Variants in AKAP13 observed in about 807,000 individuals in gnomAD.
AKAP13 encodes the protein A-kinase anchor protein 13.
In AKAP13, 80 loss-of-function variants were observed where a neutral mutation model predicts 264.5. The ratio of observed to expected loss-of-function variants is 0.30; its 90% CI spans 0.25 to 0.36. The LOEUF is 0.36. Among genes scored for constraint, AKAP13 ranks in the 10% least tolerant of loss-of-function variants. The pLI, the probability that AKAP13 is intolerant of heterozygous loss-of-function variation, is 1.00. For synonymous variants in AKAP13, 1,380 were observed against 1,250.2 expected (o/e 1.10, Z -2.19); for missense variants, 3,712 against 3,435.2 (o/e 1.08, Z -2.01).
chr15:85,496,200 T>C (rs1024508675), intron 2 of AKAP13, among the ~76,000 whole-genome samples: 5 of 152,132 alleles, frequency 3.3e-5, no homozygotes, highest in African/African-American at 1.2e-4. Flanking sequence ...CCTCCTTTTT[T>C]CCCTCAAAAG....
chr15:85,418,067 CATT>C lies in AKAP13; in HGVS notation c.-12+37291_-12+37293del, dbSNP rs34170000. Among the ~76,000 whole-genome samples, 94 of 133,900 alleles carry C rather than the reference CATT, an allele frequency of 7.0e-4. 1 individual carries two copies. Among genetic ancestry groups the C allele is most frequent in the Admixed American group, 1.1e-3 (15 of 13,878 alleles). The allele number at this position is 133,900 out of a possible 152,430, so 87.8% of individuals were successfully genotyped here. ...CATTATTTATTATTATTATTATTAT[CATT>C]ATTATTATTATTATTATTATTCTGA... On this transcript the variant is annotated intron_variant, in intron 1 of 36. Coordinates refer to ENST00000394518, the MANE Select transcript of AKAP13 (RefSeq NM_007200.5).
chr15:85,469,696 A>T (rs1223677768), intron 1 of AKAP13, among the ~76,000 whole-genome samples: 1 of 152,246 alleles, frequency 6.6e-6, no homozygotes, highest in Non-Finnish European at 1.5e-5. Flanking sequence ...GCCAGAACAC[A>T]TTAGACCCCT....
intron 25 of AKAP13, 78 bp from the exon 26 acceptor site, chr15:85,722,994 G>T: frequency 6.5e-7 from 1 of 1,543,734 alleles, no homozygotes; most frequent in Non-Finnish European, 8.8e-7. Context: ...ATGATATGGA[G>T]TGAGAAGTCA....
chr15:85,585,317 A>G (rs140716590), intron 7 of AKAP13, among the ~76,000 whole-genome samples: 23 of 152,068 alleles, frequency 1.5e-4, no homozygotes, highest in African/African-American at 5.1e-4. Flanking sequence ...TGCTTTTTTG[A>G]TGATGGCCAA....
At chr15:85,634,982 A>G (rs759748720) in intron 8 of AKAP13, 3 of 396,964 alleles carry the variant, frequency 7.6e-6, no homozygotes, top group African/African-American at 2.1e-5. Context: ...TTTGATGGCA[A>G]TCTGGACTGT....
At chr15:85,456,751 C>T (rs764716089) in intron 1 of AKAP13, among the ~76,000 whole-genome samples, 6 of 152,148 alleles carry the variant, frequency 3.9e-5, no homozygotes, top group Non-Finnish European at 7.4e-5. Context: ...GGGGTTTCAC[C>T]GTGTTAGCCA....
intron 1 of AKAP13, among the ~76,000 whole-genome samples, chr15:85,403,610 G>A (rs1249695949): frequency 1.3e-5 from 2 of 152,132 alleles, no homozygotes; most frequent in African/African-American, 4.8e-5. Flanking sequence ...GGAAGCTGAG[G>A]TGGGTGGATC....
At chr15:85,685,473 TG>T (rs2084851157) in intron 16 of AKAP13, 5 of 148,624 alleles carry the variant, frequency 3.4e-5, no homozygotes, top group Admixed American at 6.8e-5. Flanking sequence ...TGTGTGTGTG[TG>T]TGTGTGTGTG....
intron 3 of AKAP13, among the ~76,000 whole-genome samples, chr15:85,527,206 G>A (rs1357927034): frequency 9.2e-5 from 14 of 152,150 alleles, no homozygotes; most frequent in South Asian, 8.3e-4. Context: ...CTCGTGATCC[G>A]CCCGCCTTGG....
At chr15:85,589,688 C>T (rs1189603382) in intron 8 of AKAP13, among the ~76,000 whole-genome samples, 3 of 132,518 alleles carry the variant, frequency 2.3e-5, no homozygotes, top group Non-Finnish European at 3.1e-5. Flanking sequence ...CCAGCCTGGG[C>T]GACAGAGTAA....
At chr15:85,635,170 T>G in intron 8 of AKAP13, 1 of 398,128 alleles carries the variant, frequency 2.5e-6, no homozygotes. Flanking sequence ...TGTACTATTT[T>G]GCTTTCTTTC....
intron 3 of AKAP13, among the ~76,000 whole-genome samples, chr15:85,529,846 A>C (rs1166275958): frequency 6.6e-6 from 1 of 152,212 alleles, no homozygotes; most frequent in Non-Finnish European, 1.5e-5. Context: ...TTTAACCCTC[A>C]GGTTTTCTTT....
At chr15:85,414,367 T>C (rs2072131571) in intron 1 of AKAP13, among the ~76,000 whole-genome samples, 1 of 152,214 alleles carries the variant, frequency 6.6e-6, no homozygotes, top group Admixed American at 6.5e-5. Flanking sequence ...TTATGAATAG[T>C]AGCACAGTAA....
chr15:85,586,104 A>G (rs972116711), intron 8 of AKAP13, among the ~76,000 whole-genome samples: 1 of 152,214 alleles, frequency 6.6e-6, no homozygotes, highest in East Asian at 1.9e-4. Flanking sequence ...AAGATTTGTC[A>G]GTAAGCTTAA....
chr15:85,433,740 G>A (rs187945046), intron 1 of AKAP13, among the ~76,000 whole-genome samples: 2 of 151,942 alleles, frequency 1.3e-5, no homozygotes, highest in Non-Finnish European at 2.9e-5. Context: ...GTGGATCACC[G>A]AGACCAGCCT....
At chr15:85,426,013 C>T (rs1048890709) in intron 1 of AKAP13, among the ~76,000 whole-genome samples, 4 of 152,082 alleles carry the variant, frequency 2.6e-5, no homozygotes, top group Admixed American at 2.6e-4. Context: ...TTTGAAGATT[C>T]TTGTGAAAAA....
chr15:85,659,867 T>C (rs989429924), intron 12 of AKAP13, among the ~76,000 whole-genome samples: 2 of 152,228 alleles, frequency 1.3e-5, no homozygotes, highest in African/African-American at 4.8e-5. Flanking sequence ...GAGGGACATT[T>C]GTTGTTTTTT....
intron 14 of AKAP13, among the ~76,000 whole-genome samples, chr15:85,676,811 T>C (rs1318683276): frequency 6.6e-6 from 1 of 152,250 alleles, no homozygotes; most frequent in Non-Finnish European, 1.5e-5. Context: ...GAATTCTGTA[T>C]ATTCAGAAAT....
At position 85,537,817 on chromosome 15, in the gene AKAP13, T is replaced by C. The variant is rs150209165; in HGVS notation, c.478+3937T>C. On this transcript the variant is annotated intron_variant, in intron 4 of 36. Coordinates refer to ENST00000394518, the MANE Select transcript of AKAP13 (RefSeq NM_007200.5). ...TGTGCTAGTTTATAAGCTATTCATT[T>C]TGAATGTACCATTTGGAGACACAAA... 2.4e-3 allele frequency among the ~76,000 whole-genome samples: 373 copies of C among 152,366 alleles called. 3 individuals carry two copies. The highest frequency in any genetic ancestry group is 8.6e-3 in the African/African-American group (359 of 41,584).
Sources: gnomAD v4.1 joint callset for allele counts (sites outside exome capture counted in the v4.1 genomes callset) on GRCh38, gnomAD v4.1.1 for gene constraint, MANE v1.5 for transcripts, NCBI Gene and HGNC (gene_info 2026-07-23, HGNC 2026-07-21) for gene names.